Variants in CPLANE1 observed in about 807,000 individuals in gnomAD.
The protein encoded by CPLANE1 is ciliogenesis and planar polarity effector 1.
A neutral mutation model predicts 362.5 loss-of-function variants in CPLANE1; 263 were observed. That is an observed-to-expected ratio of 0.73 (90% CI 0.66 to 0.80). The LOEUF (loss-of-function observed/expected upper bound fraction) is 0.80. CPLANE1 is among the 30% of genes least tolerant of loss of function. The pLI is 0.00. For missense variants in CPLANE1, 3,461 were observed against 3,793.4 expected (o/e 0.91, Z 2.30); for synonymous variants, 1,212 against 1,302.6 (o/e 0.93, Z 1.50).
chr5:37,082,419 C>T, the CPLANE1 span, among the ~76,000 whole-genome samples: 1 of 152,012 alleles, frequency 6.6e-6, no homozygotes, highest in African/African-American at 2.4e-5. Context: ...ATCACACTAC[C>T]CGATCCCAAG....
chr5:37,125,480 A>G, intron 46 of CPLANE1, 71 bp from the exon 47 acceptor site: 1 of 1,421,466 alleles, frequency 7.0e-7, no homozygotes, highest in Non-Finnish European at 9.7e-7. Context: ...ATCATGACTA[A>G]ACACTATTTA....
intron 15 of CPLANE1, among the ~76,000 whole-genome samples, chr5:37,216,384 CA>C (rs1026849173): frequency 1.3e-4 from 20 of 151,854 alleles, no homozygotes; most frequent in Non-Finnish European, 2.6e-4. Context: ...CCCATCACTG[CA>C]AAAAAATACA....
intron 46 of CPLANE1, among the ~76,000 whole-genome samples, chr5:37,134,678 T>C (rs1220894366): frequency 6.6e-6 from 1 of 152,212 alleles, no homozygotes; most frequent in Non-Finnish European, 1.5e-5. Context: ...TTTCTTTTGC[T>C]AGCTCTGGGG....
the CPLANE1 span, among the ~76,000 whole-genome samples, chr5:37,093,321 C>G: frequency 2.0e-5 from 3 of 152,176 alleles, no homozygotes; most frequent in Non-Finnish European, 2.9e-5. Context: ...GGGGGAGCCA[C>G]AAGATGCACT....
At chr5:37,154,678 G>A (rs1369461747) in intron 41 of CPLANE1, among the ~76,000 whole-genome samples, 1 of 151,576 alleles carries the variant, frequency 6.6e-6, no homozygotes, top group Non-Finnish European at 1.5e-5. Flanking sequence ...TTCTTCTTCT[G>A]CCATCCATTC....
Position 37,164,318 on chromosome 5 carries a change from CTTG to C in CPLANE1, c.7540_7542del (p.Gln2514del). ...TCCAAAGGATGGGAACCACAATGTT[CTTG>C]TTGTTCCTAAATGAATTCCCACAGG... On this transcript the variant is annotated inframe_deletion, in exon 37 of 53. Transcript: ENST00000651892. 1.2e-6 allele frequency: 2 copies of C among 1,612,480 alleles called. No individual in the cohort carries two copies. Among genetic ancestry groups the C allele is most frequent in the South Asian group, 1.1e-5 (1 of 91,040 alleles).
Position 37,247,667 on chromosome 5 carries a change from G to C in CPLANE1, c.32C>G (p.Thr11Arg), listed in dbSNP as rs1229933956. ...CCATGGTTTTTTCTGCTTAATACCT[G>C]TTGATGTCAAGATTTCTAATCTTAT... Reference protein sequence around the residue: MEIRLEILTSTGIKQKKPWPR... With the variant: MEIRLEILTSRGIKQKKPWPR... Residue 11 changes from threonine to arginine, a missense_variant, in exon 2 of 53, where the codon ACA (threonine) becomes AGA (arginine). By Grantham distance (71) the Thr-to-Arg change is moderately conservative (BLOSUM62 -1). Transcript: ENST00000651892. 1.3e-6 allele frequency: 2 copies of C among 1,550,906 alleles called. No individual in the cohort carries two copies. Among genetic ancestry groups the C allele is most frequent in the Non-Finnish European group, 1.7e-6 (2 of 1,146,466 alleles).
chr5:37,111,272 C>T (rs1759216028), intron 51 of CPLANE1, among the ~76,000 whole-genome samples: 1 of 151,374 alleles, frequency 6.6e-6, no homozygotes, highest in African/African-American at 2.4e-5. Flanking sequence ...AGGCGCCCAC[C>T]ACCATGCCTA....
chr5:37,143,177 C>T (rs1439879340), intron 43 of CPLANE1, among the ~76,000 whole-genome samples: 6 of 152,196 alleles, frequency 3.9e-5, no homozygotes, highest in East Asian at 1.9e-4. Flanking sequence ...CCTACTTCAA[C>T]GATAGCAAAA....
At chr5:37,242,447 T>C (rs1336557971) in intron 6 of CPLANE1, among the ~76,000 whole-genome samples, 4 of 152,176 alleles carry the variant, frequency 2.6e-5, no homozygotes, top group Non-Finnish European at 5.9e-5. Context: ...AAAGGTACAA[T>C]AGGAAATCAA....
chr5:37,200,232 G>A (rs1788751629), intron 19 of CPLANE1, among the ~76,000 whole-genome samples: 1 of 152,168 alleles, frequency 6.6e-6, no homozygotes, highest in South Asian at 2.1e-4. Flanking sequence ...TGCAACACAA[G>A]GGGTTCTAAC....
chr5:37,160,671 CTTTTT>C (rs1328332570), intron 38 of CPLANE1, among the ~76,000 whole-genome samples: 1 of 138,566 alleles, frequency 7.2e-6, no homozygotes, highest in Non-Finnish European at 1.6e-5. Context: ...AAAATAATGA[CTTTTT>C]TTTTTTTTTT....
At chr5:37,093,694 C>G in the CPLANE1 span, among the ~76,000 whole-genome samples, 2 of 152,158 alleles carry the variant, frequency 1.3e-5, no homozygotes, top group Non-Finnish European at 2.9e-5. Context: ...CCACTCCTGA[C>G]AAACCTGTTG....
chr5:37,164,426 T>C, intron 36 of CPLANE1, 99 bp from the exon 37 acceptor site: 1 of 789,176 alleles, frequency 1.3e-6, no homozygotes, highest in South Asian at 1.6e-5. Context: ...TTCTCATGTA[T>C]AACTTCAACT....
At chr5:37,202,014 C>T (rs1789336573) in intron 18 of CPLANE1, among the ~76,000 whole-genome samples, 1 of 151,926 alleles carries the variant, frequency 6.6e-6, no homozygotes, top group Non-Finnish European at 1.5e-5. Context: ...CATTTTTATA[C>T]AAGATATTGT....
rs575675092 is a variant in CPLANE1 at position 37,174,615 on chromosome 5, T to A, written c.5979-668A>T. ...CTGTTGGGGGATGACTCCTCAAACA[T>A]AGCAGATACTCAAAGTTTTCTACAT... On this transcript the variant is annotated intron_variant, in intron 31 of 52. Transcript: ENST00000651892. 2.0e-5 allele frequency among the ~76,000 whole-genome samples: 3 copies of A among 152,200 alleles called. No individual in the cohort carries two copies. The East Asian group carries it at 5.8e-4, about 29-fold the overall frequency.
intron 44 of CPLANE1, chr5:37,140,116 AG>A: frequency 1.1e-6 from 1 of 894,590 alleles, no homozygotes; most frequent in South Asian, 5.2e-5. Context: ...ATGTCTTCAG[AG>A]AAAAACACTT....
At chr5:37,138,418 T>C (rs1459514920) in intron 46 of CPLANE1, 4 of 461,878 alleles carry the variant, frequency 8.7e-6, no homozygotes, top group African/African-American at 4.0e-5. Flanking sequence ...AAATGTATTC[T>C]AAGCGTTAAT....
At chr5:37,216,286 G>A (rs1295663265) in intron 15 of CPLANE1, among the ~76,000 whole-genome samples, 3 of 152,140 alleles carry the variant, frequency 2.0e-5, no homozygotes, top group African/African-American at 7.2e-5. Context: ...GCTCATGCCT[G>A]TAATCCCCAC....
Sources: allele counts gnomAD v4.1 joint callset (sites outside exome capture counted in the v4.1 genomes callset), GRCh38; gene constraint gnomAD v4.1.1; transcripts MANE v1.5; gene names NCBI Gene and HGNC (gene_info 2026-07-23, HGNC 2026-07-21).